Variants in CHMP2B observed in about 807,000 individuals in gnomAD.
CHMP2B encodes the protein charged multivesicular body protein 2B.
CHMP2B carries 22 observed loss-of-function variants against 29.8 expected under a neutral mutation model. That is an observed-to-expected ratio of 0.74 (90% CI 0.53 to 1.05). CHMP2B has a LOEUF of 1.05. Ranked by LOEUF, CHMP2B falls within the 50% of genes least tolerant of loss-of-function variation. The pLI is 0.00. For synonymous variants in CHMP2B, 78 were observed against 75.8 expected (o/e 1.03, Z -0.15); for missense variants, 261 against 252.2 (o/e 1.03, Z -0.24).
chr3:87,242,693 T>G (rs1325077994), intron 2 of CHMP2B, among the ~76,000 whole-genome samples: 2 of 152,174 alleles, frequency 1.3e-5, no homozygotes, highest in Non-Finnish European at 2.9e-5. Context: ...GAAAGTCAGT[T>G]GTTTCAACAT....
intron 1 of CHMP2B, among the ~76,000 whole-genome samples, chr3:87,229,070 C>A (rs1386960614): frequency 2.0e-5 from 3 of 151,958 alleles, no homozygotes; most frequent in Non-Finnish European, 4.4e-5. Context: ...TGTGATGTTA[C>A]AATTAGAGTT....
rs2106919213 is a variant in CHMP2B, at chr3:87,254,899, A to G, written c.*1077A>G. The G allele has an allele frequency of 6.6e-6, 1 of 152,130 alleles. No individual in the cohort carries two copies. Among genetic ancestry groups the G allele is most frequent in the Non-Finnish European group, 1.5e-5 (1 of 67,918 alleles). 9.4% of individuals were successfully genotyped at this position (152,130 alleles called of 1,614,324 possible). A position where few individuals can be genotyped will look rare whatever the true frequency, so the allele number is the denominator to read the frequency against. On this transcript the variant is annotated 3_prime_UTR_variant, in exon 6 of 6. Coordinates refer to ENST00000263780, the MANE Select transcript of CHMP2B (RefSeq NM_014043.4). ...TAAAAATTCACATTTTTTGATAAAT[A>G]AACTACAGTTTTACCAGAAATTACT...
intron 2 of CHMP2B, 148 bp from the exon 3 acceptor site, chr3:87,245,566 T>C (rs1706195656): frequency 3.0e-6 from 2 of 672,322 alleles, no homozygotes; most frequent in Admixed American, 6.0e-5. Flanking sequence ...GATTTCTCTT[T>C]TGCTCTATGA....
chr3:87,242,932 C>T (rs1454709279), intron 2 of CHMP2B, among the ~76,000 whole-genome samples: 1 of 151,912 alleles, frequency 6.6e-6, no homozygotes, highest in African/African-American at 2.4e-5. Context: ...CTTTGCATTT[C>T]TATAGGAACT....
chr3:87,237,230 C>T (rs1706033351), intron 1 of CHMP2B, among the ~76,000 whole-genome samples: 1 of 152,108 alleles, frequency 6.6e-6, no homozygotes, highest in Admixed American at 6.6e-5. Context: ...CCCCCTGCCT[C>T]CCACAATTCA....
intron 1 of CHMP2B, among the ~76,000 whole-genome samples, chr3:87,229,973 G>A (rs1378365408): frequency 6.6e-6 from 1 of 152,052 alleles, no homozygotes. Context: ...ATTAATGAGA[G>A]GTATACCTCA....
At chr3:87,246,693 A>G (rs1706219749) in intron 3 of CHMP2B, among the ~76,000 whole-genome samples, 1 of 152,170 alleles carries the variant, frequency 6.6e-6, no homozygotes, top group African/African-American at 2.4e-5. Context: ...TACACACACA[A>G]ACACATTTTT....
intron 2 of CHMP2B, among the ~76,000 whole-genome samples, chr3:87,245,246 GT>G (rs372578630): frequency 1.4e-4 from 21 of 152,078 alleles, no homozygotes; most frequent in African/African-American, 5.1e-4. Context: ...ATATAGTTGG[GT>G]TTGCTTTCTT....
chr3:87,227,657 C>T (rs1231932447), intron 1 of CHMP2B, 101 bp downstream of exon 1: 72 of 1,496,744 alleles, frequency 4.8e-5, no homozygotes, highest in Non-Finnish European at 6.7e-5. Flanking sequence ...GGAGGCGGGG[C>T]TGGATCAAGT....
intron 3 of CHMP2B, 147 bp from the exon 4 acceptor site, chr3:87,249,728 A>G (rs1706279411): frequency 2.0e-6 from 1 of 495,410 alleles, no homozygotes; most frequent in East Asian, 3.5e-5. Flanking sequence ...ATTTTTTTCT[A>G]GAATATTTAA....
Position 87,254,011 on chromosome 3 carries a change from G to A in CHMP2B, c.*189G>A, listed in dbSNP as rs1706359950. ...AAAGAATGACAATGATGCAAAAATG[G>A]GAACAGTTTGGATTTTAATTAGAAC... On this transcript the variant is annotated 3_prime_UTR_variant, in exon 6 of 6. Coordinates refer to ENST00000263780, the MANE Select transcript of CHMP2B (RefSeq NM_014043.4). 1 of 523,552 alleles carries A rather than the reference G, an allele frequency of 1.9e-6. No individual in the cohort carries two copies. The highest frequency in any genetic ancestry group is 3.4e-6 in the Non-Finnish European group (1 of 291,134). The allele number at this position is 523,552 out of a possible 1,614,324, so 32.4% of individuals were successfully genotyped here.
chr3:87,253,715 G>A lies in CHMP2B; in HGVS notation c.535G>A (p.Ala179Thr), dbSNP rs1390507865. The A allele has an allele frequency of 6.8e-6, 11 of 1,611,422 alleles. No individual in the cohort carries two copies. The East Asian group carries it at 2.2e-4, about 33-fold the overall frequency. ...EIGIEISGKM[A>T]KAPSAARSLP... is the part of the protein sequence containing the mutation. ...TCTTTTTCATTGTTTAATATAGATG[G>A]CCAAAGCTCCATCAGCTGCTCGAAG... is the stretch of plus-strand genomic sequence containing the variant. The change falls in exon 6 of 6, where the codon GCC becomes ACC. Residue 179 changes from alanine (A) to threonine (T), a missense_variant. By Grantham distance (58) the Ala-to-Thr change is moderately conservative. Transcript: ENST00000263780.
At chr3:87,251,668 C>T (rs1706315416) in intron 4 of CHMP2B, among the ~76,000 whole-genome samples, 1 of 151,858 alleles carries the variant, frequency 6.6e-6, no homozygotes, top group African/African-American at 2.4e-5. Context: ...ATATCTTTTT[C>T]AACTTGGAAT....
intron 4 of CHMP2B, 146 bp from the exon 5 acceptor site, chr3:87,253,258 C>T: frequency 4.6e-6 from 3 of 651,270 alleles, no homozygotes; most frequent in South Asian, 3.3e-5. Context: ...ATTTACTTCA[C>T]TGACATTTTG....
intron 2 of CHMP2B, among the ~76,000 whole-genome samples, chr3:87,243,675 T>C (rs949549309): frequency 1.3e-4 from 20 of 152,200 alleles, no homozygotes; most frequent in Admixed American, 1.3e-3. Context: ...AAAATAGATA[T>C]AATAGATTAG....
chr3:87,242,024 A>C (rs1230637145), intron 2 of CHMP2B, among the ~76,000 whole-genome samples: 2 of 152,068 alleles, frequency 1.3e-5, no homozygotes, highest in African/African-American at 4.8e-5. Context: ...TGTCATTTTA[A>C]ATTTCATTTT....
chr3:87,249,822 G>T, intron 3 of CHMP2B, 53 bp from the exon 4 acceptor site: 1 of 1,123,346 alleles, frequency 8.9e-7, no homozygotes, highest in South Asian at 1.3e-5. Flanking sequence ...TTATTTCATA[G>T]TAAAATTTTC....
In CHMP2B at chr3:87,254,013, A is replaced by G; in HGVS notation, c.*191A>G. The G allele has an allele frequency of 1.9e-6, 1 of 524,450 alleles. No individual in the cohort carries two copies. Among genetic ancestry groups the G allele is most frequent in the South Asian group, 2.1e-5 (1 of 48,708 alleles). 32.5% of individuals were successfully genotyped at this position (524,450 alleles called of 1,614,324 possible). A position where few individuals can be genotyped will look rare whatever the true frequency, so the allele number is the denominator to read the frequency against. On this transcript the variant is annotated 3_prime_UTR_variant, in exon 6 of 6. Transcript: ENST00000263780. ...AGAATGACAATGATGCAAAAATGGG[A>G]ACAGTTTGGATTTTAATTAGAACTG...
chr3:87,253,262 C>A (rs1030492881), intron 4 of CHMP2B, 142 bp from the exon 5 acceptor site: 1 of 658,762 alleles, frequency 1.5e-6, no homozygotes, highest in Non-Finnish European at 2.8e-6. Flanking sequence ...ACTTCACTGA[C>A]ATTTTGAAGG....
Sources: gnomAD v4.1 joint callset for allele counts (sites outside exome capture counted in the v4.1 genomes callset) on GRCh38, gnomAD v4.1.1 for gene constraint, MANE v1.5 for transcripts, NCBI Gene and HGNC (gene_info 2026-07-23, HGNC 2026-07-21) for gene names.